The following SLC12A7 variants were observed in gnomAD, a reference collection of about 807,000 sequenced individuals.
The protein encoded by SLC12A7 is K-Cl cotransporter 4.
A neutral mutation model predicts 120.6 loss-of-function variants in SLC12A7; 100 were observed. The ratio of observed to expected loss-of-function variants is 0.83; its 90% CI spans 0.71 to 0.98. The LOEUF (loss-of-function observed/expected upper bound fraction) is 0.98, where lower values mean the gene tolerates loss of function less well. Among genes scored for constraint, SLC12A7 ranks in the 50% least tolerant of loss-of-function variants. SLC12A7 has a pLI of 0.00. For missense variants in SLC12A7, 1,373 were observed against 1,548.1 expected (o/e 0.89, Z 1.90); for synonymous variants, 760 against 678.0 (o/e 1.12, Z -1.88).
At chr5:1,147,082 T>C in the SLC12A7 span, among the ~76,000 whole-genome samples, 1 of 152,188 alleles carries the variant, frequency 6.6e-6, no homozygotes, top group African/African-American at 2.4e-5. Context: ...TGTGGCAGTG[T>C]GTGTCTGAAT....
Position 1,063,681 on chromosome 5 carries a change from G to GGGCCGCCCCCC in SLC12A7, c.2739+162_2739+163insGGGGGGCGGCC, listed in dbSNP as rs1736571280. Among the ~76,000 whole-genome samples, 7 of 4,564 alleles carry GGGCCGCCCCCC rather than the reference G, an allele frequency of 1.5e-3. 1 individual carries two copies. The highest frequency in any genetic ancestry group is 0.01 in the East Asian group (1 of 100). The allele number at this position is 4,564 out of a possible 152,430, so 3.0% of individuals were successfully genotyped here. On this transcript the variant is annotated intron_variant, in intron 20 of 23. Coordinates refer to ENST00000264930, the MANE Select transcript of SLC12A7 (RefSeq NM_006598.3). ...CACCTCACGAGGCCACAGCCCTCCC[G>GGGCCGCCCCCC]ATCTCCACTTCCCCCTCCACCCCCA...
At chr5:1,061,033 C>T (rs1372895611) in intron 20 of SLC12A7, among the ~76,000 whole-genome samples, 11 of 144,934 alleles carry the variant, frequency 7.6e-5, no homozygotes, top group Admixed American at 6.8e-4. Context: ...CCGCACCCGC[C>T]GTGCGGGATC....
At chr5:1,090,430 A>G (rs2150872445) in intron 3 of SLC12A7, among the ~76,000 whole-genome samples, 1 of 152,206 alleles carries the variant, frequency 6.6e-6, no homozygotes, top group Non-Finnish European at 1.5e-5. Flanking sequence ...GGGGCCCTGG[A>G]GAGGAGAGGG....
rs113940581 is a variant in SLC12A7 at position 1,085,056 on chromosome 5, C to G, written c.917+176G>C. Among the ~76,000 whole-genome samples, 57 of 152,344 alleles carry G rather than the reference C, an allele frequency of 3.7e-4. 2 individuals carry two copies. The highest frequency in any genetic ancestry group is 1.3e-3 in the African/African-American group (55 of 41,592). ...ACGAGGGTACCTCGGCCCACCTCAC[C>G]GTTGGGTTTCCTGTAATCCCCAGAA... On this transcript the variant is annotated intron_variant, in intron 7 of 23. Transcript: ENST00000264930.
Position 1,085,139 on chromosome 5 carries a change from G to A in SLC12A7, c.917+93C>T, listed in dbSNP as rs75183194. 9,400 of 1,516,932 alleles carry A rather than the reference G, an allele frequency of 6.2e-3. 530 individuals carry two copies. The African/African-American group carries it at 0.11, about 18-fold the overall frequency. The allele number at this position is 1,516,932 out of a possible 1,614,324, so 94.0% of individuals were successfully genotyped here. On this transcript the variant is annotated intron_variant, in intron 7 of 23. Coordinates refer to ENST00000264930, the MANE Select transcript of SLC12A7 (RefSeq NM_006598.3). ...CCAGCCCACCCCTTGCGGGGAGCTC[G>A]GCGTCAAGGATGATGGACGAGAGGC...
chr5:1,074,433 T>C, intron 16 of SLC12A7, 134 bp downstream of exon 16: 3 of 749,748 alleles, frequency 4.0e-6, no homozygotes, highest in Non-Finnish European at 6.5e-6. Flanking sequence ...CACCAGGCAG[T>C]GTTCACACCC....
At chr5:1,088,527 G>A (rs896858625) in intron 4 of SLC12A7, among the ~76,000 whole-genome samples, 167 bp from the exon 5 acceptor site, 4 of 152,252 alleles carry the variant, frequency 2.6e-5, no homozygotes, top group South Asian at 2.1e-4. Flanking sequence ...GGAGGCTCCC[G>A]GGCACCAGGC....
rs368252190 is a variant in SLC12A7, at chr5:1,085,501, C to T, written c.676-28G>A. On this transcript the variant is annotated intron_variant, in intron 6 of 23. Transcript: ENST00000264930. ...GTGGGAACAAGGCCGGTCGGGAGGCCGTCCCCGGACACAACTCCCCAGTGC... is the reference window on the plus strand; with the variant it reads ...GTGGGAACAAGGCCGGTCGGGAGGCTGTCCCCGGACACAACTCCCCAGTGC... The T allele has an allele frequency of 4.6e-5, 72 of 1,558,354 alleles. No homozygotes were observed. The African/African-American group carries it at 4.7e-4, about 10-fold the overall frequency.
intron 4 of SLC12A7, 36 bp downstream of exon 4, chr5:1,088,946 C>T (rs748608693): frequency 1.6e-5 from 26 of 1,611,398 alleles, no homozygotes; most frequent in South Asian, 1.1e-4. Flanking sequence ...TGCCACCGCC[C>T]GAAGGCACAG....
intron 19 of SLC12A7, 28 bp downstream of exon 19, chr5:1,064,055 G>A: frequency 1.2e-6 from 2 of 1,600,564 alleles, no homozygotes; most frequent in East Asian, 2.2e-5. Context: ...CCGTGCTCCG[G>A]CTGGCGTGTC....
intron 22 of SLC12A7, 146 bp from the exon 23 acceptor site, chr5:1,053,628 G>T: frequency 1.8e-6 from 2 of 1,120,864 alleles, no homozygotes; most frequent in Non-Finnish European, 1.2e-6. Flanking sequence ...TGACCCTGAA[G>T]GATGCAGAAG....
intron 1 of SLC12A7, among the ~76,000 whole-genome samples, chr5:1,108,936 G>A (rs578087100): frequency 6.6e-5 from 10 of 152,284 alleles, no homozygotes; most frequent in South Asian, 2.1e-4. Context: ...CAACCGACAC[G>A]AGCTCAGCCA....
At chr5:1,119,803 G>A in the SLC12A7 span, among the ~76,000 whole-genome samples, 8 of 152,254 alleles carry the variant, frequency 5.3e-5, no homozygotes, top group Admixed American at 2.6e-4. Flanking sequence ...GTCCACCGGC[G>A]CTGTCCTGTG....
At chr5:1,094,031 G>T in intron 2 of SLC12A7, 123 bp downstream of exon 2, 1 of 722,122 alleles carries the variant, frequency 1.4e-6, no homozygotes. Flanking sequence ...GGAGGCCCCA[G>T]TTCCTTCCAC....
At chr5:1,116,486 A>G (rs990742705), upstream of SLC12A7, among the ~76,000 whole-genome samples, 1 of 152,192 alleles carries the variant, frequency 6.6e-6, no homozygotes. Flanking sequence ...GTCTCAGACC[A>G]TCTGTGTCTG....
At chr5:1,075,950 C>A (rs1738279670) in intron 14 of SLC12A7, 188 bp downstream of exon 14, 4 of 584,596 alleles carry the variant, frequency 6.8e-6, no homozygotes, top group Non-Finnish European at 1.2e-5. Context: ...TGCGCAGGGG[C>A]TTACTCCGCA....
chr5:1,054,060 A>T (rs1735340904), intron 22 of SLC12A7, among the ~76,000 whole-genome samples: 1 of 152,182 alleles, frequency 6.6e-6, no homozygotes, highest in South Asian at 2.1e-4. Flanking sequence ...GTTGCTGCTG[A>T]AGCTCCCAGG....
intron 3 of SLC12A7, among the ~76,000 whole-genome samples, chr5:1,091,113 T>C (rs1740450292): frequency 6.6e-6 from 1 of 152,152 alleles, no homozygotes; most frequent in South Asian, 2.1e-4. Context: ...GCAGGCAGCA[T>C]CAGCCTGGGG....
At chr5:1,090,153 G>A (rs1740333658) in intron 3 of SLC12A7, among the ~76,000 whole-genome samples, 2 of 152,228 alleles carry the variant, frequency 1.3e-5, no homozygotes, top group Admixed American at 1.3e-4. Flanking sequence ...CAGGTGAGGG[G>A]CAGCTCCCAG....
Sources: gnomAD v4.1 joint callset for allele counts (sites outside exome capture counted in the v4.1 genomes callset) on GRCh38, gnomAD v4.1.1 for gene constraint, MANE v1.5 for transcripts, NCBI Gene and HGNC (gene_info 2026-07-23, HGNC 2026-07-21) for gene names.